The following PLCG1 variants were observed in gnomAD, a reference collection of about 807,000 sequenced individuals.
PLCG1 encodes the protein phospholipase C gamma 1, also known as 1-phosphatidylinositol 4,5-bisphosphate phosphodiesterase gamma-1.
A neutral mutation model predicts 177.8 loss-of-function variants in PLCG1; 71 were observed. The ratio of observed to expected loss-of-function variants is 0.40; its 90% CI spans 0.33 to 0.49. The LOEUF (loss-of-function observed/expected upper bound fraction) is 0.49, where lower values mean the gene tolerates loss of function less well. Among genes scored for constraint, PLCG1 ranks in the 20% least tolerant of loss-of-function variants. The pLI is 0.72. For synonymous variants in PLCG1, 658 were observed against 647.9 expected (o/e 1.02, Z -0.24); for missense variants, 1,281 against 1,709.0 (o/e 0.75, Z 4.42).
Position 41,165,601 on chromosome 20 carries a change from A to T in PLCG1, c.1612-38A>T, listed in dbSNP as rs2035656851. ...GGCTGGGCCAGGTCAGGCCTGGGCC[A>T]GGGTCACAGTATCTTTGCTGTTGCC... On this transcript the variant is annotated intron_variant, in intron 15 of 31. Transcript: ENST00000685551. This position sits in a 1 kb window ranked among gnomAD's most constrained non-coding sequence, Gnocchi z 6.6. 4 of 1,612,466 alleles carry T rather than the reference A, an allele frequency of 2.5e-6. No individual in the cohort carries two copies. The highest frequency in any genetic ancestry group is 3.4e-6 in the Non-Finnish European group (4 of 1,178,790).
In PLCG1 at chr20:41,165,155, G is replaced by A. The variant is rs573540472; in HGVS notation, c.1386+54G>A. ...CCACACTTCTCAGTGCCTTGCCCAG[G>A]CCATGGCTTCAGCTGTTGGGCCTAA... On this transcript the variant is annotated intron_variant, in intron 13 of 31. Coordinates refer to ENST00000685551, the MANE Select transcript of PLCG1 (RefSeq NM_002660.3). This position sits in a 1 kb window ranked among gnomAD's most constrained non-coding sequence, Gnocchi z 6.6. 3 of 1,603,590 alleles carry A rather than the reference G, an allele frequency of 1.9e-6. No individual in the cohort carries two copies. Among genetic ancestry groups the A allele is most frequent in the South Asian group, 2.2e-5 (2 of 89,470 alleles).
chr20:41,151,546 A>G lies in PLCG1; in HGVS notation c.218-8060A>G, dbSNP rs1600642939. On this transcript the variant is annotated intron_variant, in intron 1 of 31. Transcript: ENST00000685551. The surrounding 1 kb of genome is among the most constrained non-coding windows in gnomAD (Gnocchi z 5.5). ...GTAAAATGGAAAGGGATAGCTACCC[A>G]CCCCTCCACTTTGACCTTCCTTTGG... 6.6e-6 allele frequency among the ~76,000 whole-genome samples: 1 copy of G among 151,882 alleles called. No individual in the cohort carries two copies. The highest frequency in any genetic ancestry group is 2.4e-5 in the African/African-American group (1 of 41,338).
At position 41,173,913 on chromosome 20, in the gene PLCG1, C is replaced by T. The variant is rs768964121; in HGVS notation, c.3557-10C>T. ...TCGTGGGCTGAGGGCCAGGCTTTTC[C>T]TCCTCCTAGGATACAGAGCAGTGCC... On this transcript the variant is annotated splice_polypyrimidine_tract_variant and intron_variant, in intron 29 of 31. Coordinates refer to ENST00000685551, the MANE Select transcript of PLCG1 (RefSeq NM_002660.3). The surrounding 1 kb of genome is among the most constrained non-coding windows in gnomAD (Gnocchi z 6.2). 1.2e-6 allele frequency: 2 copies of T among 1,613,514 alleles called. No homozygotes were observed. The highest frequency in any genetic ancestry group is 1.7e-5 in the Admixed American group (1 of 60,014).
At chr20:41,162,895 A>T (rs1260865384) in intron 6 of PLCG1, 63 bp from the exon 7 acceptor site, 1 of 1,511,148 alleles carries the variant, frequency 6.6e-7, no homozygotes, top group East Asian at 2.3e-5. Flanking sequence ...CTGCCTTCTT[A>T]CTAGCCCATT....
chr20:41,143,182 T>A (rs1457607355), intron 1 of PLCG1, among the ~76,000 whole-genome samples: 1 of 152,202 alleles, frequency 6.6e-6, no homozygotes, highest in African/African-American at 2.4e-5. Flanking sequence ...AGAGATCTTG[T>A]CTTTGAGGAA....
intron 1 of PLCG1, among the ~76,000 whole-genome samples, chr20:41,141,486 G>A (rs1329187611): frequency 6.6e-6 from 1 of 152,230 alleles, no homozygotes; most frequent in Non-Finnish European, 1.5e-5. Flanking sequence ...CTGTGGCTGG[G>A]GAGCAGACCA....
intron 1 of PLCG1, among the ~76,000 whole-genome samples, chr20:41,139,929 T>C (rs2034765057): frequency 6.6e-6 from 1 of 152,170 alleles, no homozygotes; most frequent in African/African-American, 2.4e-5. Context: ...AGTGTTTCTG[T>C]AGAGAAAGTG....
At chr20:41,158,915 C>G (rs535515251) in intron 1 of PLCG1, among the ~76,000 whole-genome samples, 1 of 152,348 alleles carries the variant, frequency 6.6e-6, no homozygotes, top group South Asian at 2.1e-4. Context: ...AGGTCATCTG[C>G]TATTCAAGCC....
intron 4 of PLCG1, among the ~76,000 whole-genome samples, chr20:41,162,020 C>T (rs2035515034): frequency 6.6e-6 from 1 of 152,044 alleles, no homozygotes; most frequent in African/African-American, 2.4e-5. Flanking sequence ...AGGTAGGGAC[C>T]TGCTGCCATG....
Position 41,163,610 on chromosome 20 carries a change from C to A in PLCG1, c.892-105C>A. On this transcript the variant is annotated intron_variant, in intron 9 of 31. Transcript: ENST00000685551. The surrounding 1 kb of genome is among the most constrained non-coding windows in gnomAD (Gnocchi z 5.2). ...TTCTACCTACTGTGCACCTTGCCCACCCCCAGTTGGGACAGAGCACTCTCT... is the reference window on the plus strand; with the variant it reads ...TTCTACCTACTGTGCACCTTGCCCAACCCCAGTTGGGACAGAGCACTCTCT... 2 of 1,068,998 alleles carry A rather than the reference C, an allele frequency of 1.9e-6. No homozygotes were observed. The highest frequency in any genetic ancestry group is 2.9e-6 in the Non-Finnish European group (2 of 691,726). The allele number at this position is 1,068,998 out of a possible 1,614,324, so 66.2% of individuals were successfully genotyped here.
chr20:41,161,762 C>A (rs1036945535), intron 4 of PLCG1, among the ~76,000 whole-genome samples: 1 of 151,792 alleles, frequency 6.6e-6, no homozygotes, highest in African/African-American at 2.4e-5. Flanking sequence ...AAGCCCCCCC[C>A]TTCCCCCTTC....
At position 41,167,168 on chromosome 20, in the gene PLCG1, G is replaced by T. The variant is rs1167691739; in HGVS notation, c.2301+309G>T. The stretch of plus-strand genomic sequence containing the variant: ...CACACAGTGGAAACTCATCCACCTG[G>T]GCTTGGCCTGGACTCTGTCCTAGGG... On this transcript the variant is annotated intron_variant, in intron 19 of 31. Coordinates refer to ENST00000685551, the MANE Select transcript of PLCG1 (RefSeq NM_002660.3). The surrounding 1 kb of genome is among the most constrained non-coding windows in gnomAD (Gnocchi z 4.4). 6.6e-6 allele frequency among the ~76,000 whole-genome samples: 1 copy of T among 152,170 alleles called. No homozygotes were observed. Among genetic ancestry groups the T allele is most frequent in the Non-Finnish European group, 1.5e-5 (1 of 68,022 alleles).
chr20:41,152,512 C>G (rs899009994), intron 1 of PLCG1, among the ~76,000 whole-genome samples: 4 of 152,234 alleles, frequency 2.6e-5, no homozygotes, highest in African/African-American at 9.6e-5. Context: ...CCCTCAGCCT[C>G]TGTGGCCCAC....
Position 41,162,388 on chromosome 20 carries a change from G to A in PLCG1, c.513-64G>A, listed in dbSNP as rs140647002. ...TACCTGTCCAGCCCCAGGTGGGCTC[G>A]ACCCACAGGTCAGAGGTCATGAGAA... On this transcript the variant is annotated intron_variant, in intron 4 of 31. Coordinates refer to ENST00000685551, the MANE Select transcript of PLCG1 (RefSeq NM_002660.3). 7.9e-4 allele frequency: 1,045 copies of A among 1,323,974 alleles called. 6 individuals carry two copies. In the African/African-American group the frequency reaches 0.013, roughly 16 times the overall value. 82.0% of individuals were successfully genotyped at this position (1,323,974 alleles called of 1,614,324 possible). A position where few individuals can be genotyped will look rare whatever the true frequency, so the allele number is the denominator to read the frequency against.
In PLCG1 at chr20:41,170,113, C is replaced by T. The variant is rs760906530; in HGVS notation, c.2652C>T (p.Ala884=). ...GVLDVPACQI[A]IRPEGKNNRL... ...TGTTATCTGCTCTCGCCCTCCCAGC[C>T]ATCCGTCCTGAGGGCAAGAACAACC... is the stretch of plus-strand genomic sequence containing the variant. The change falls in exon 24 of 32, where the codon GCC becomes GCT. Residue 884 remains alanine, a splice_region_variant and synonymous_variant. Transcript: ENST00000685551. 6.2e-7 allele frequency: 1 copy of T among 1,608,908 alleles called. No homozygotes were observed. Among genetic ancestry groups the T allele is most frequent in the Non-Finnish European group, 8.5e-7 (1 of 1,176,534 alleles).
In PLCG1 at chr20:41,177,419, C is replaced by A. The variant is rs1811871725; in HGVS notation, c.*2910C>A. 1 of 152,236 alleles carries A rather than the reference C, an allele frequency of 6.6e-6. No individual in the cohort carries two copies. The highest frequency in any genetic ancestry group is 1.5e-5 in the Non-Finnish European group (1 of 68,056). 9.4% of individuals were successfully genotyped at this position (152,236 alleles called of 1,614,324 possible). On this transcript the variant is annotated 3_prime_UTR_variant, in exon 32 of 32. Coordinates refer to ENST00000685551, the MANE Select transcript of PLCG1 (RefSeq NM_002660.3). ...GAAAAGGCAGGGGTCTGCCTCCTGACCAAGCACATCTTGAACATCACCTGA... is the reference window on the plus strand; with the variant it reads ...GAAAAGGCAGGGGTCTGCCTCCTGAACAAGCACATCTTGAACATCACCTGA...
Position 41,165,671 on chromosome 20 carries a change from G to A in PLCG1, c.1644G>A (p.Glu548=), listed in dbSNP as rs144239352. Residue 548 remains glutamate, a synonymous_variant, in exon 16 of 32, where the codon GAG becomes GAA. Coordinates refer to ENST00000685551, the MANE Select transcript of PLCG1 (RefSeq NM_002660.3). This position sits in a 1 kb window ranked among gnomAD's most constrained non-coding sequence, Gnocchi z 6.6. ...GCAGCACAGAGCTGCACTCCAATGA[G>A]AAGTGGTTCCATGGGAAGCTAGGGG... is the stretch of plus-strand genomic sequence containing the variant. ...VSSSTELHSN[E]KWFHGKLGAG... is the part of the protein sequence containing the mutation. The A allele has an allele frequency of 1.9e-5, 30 of 1,614,026 alleles. 1 individual carries two copies. In the Admixed American group the frequency reaches 3.5e-4, roughly 19 times the overall value.
rs952627317 is a variant in PLCG1, at chr20:41,151,488, A to G, written c.218-8118A>G. On this transcript the variant is annotated intron_variant, in intron 1 of 31. Transcript: ENST00000685551. This position sits in a 1 kb window ranked among gnomAD's most constrained non-coding sequence, Gnocchi z 5.5. ...CTTCCCTTTGCCATATAACCCTGTG[A>G]CCTCAGAAGTCCCTGAACCCAGATC... 6.6e-6 allele frequency among the ~76,000 whole-genome samples: 1 copy of G among 152,176 alleles called. No homozygotes were observed. Among genetic ancestry groups the G allele is most frequent in the Non-Finnish European group, 1.5e-5 (1 of 68,026 alleles).
intron 1 of PLCG1, among the ~76,000 whole-genome samples, chr20:41,158,079 T>G (rs536918231): frequency 5.1e-4 from 78 of 152,166 alleles, no homozygotes; most frequent in African/African-American, 1.9e-3. Context: ...GACAGGTGGT[T>G]CCAGGTAGAA....
Sources: allele counts gnomAD v4.1 joint callset (sites outside exome capture counted in the v4.1 genomes callset), GRCh38; gene constraint gnomAD v4.1.1; non-coding constraint Gnocchi (gnomAD v3.1); transcripts MANE v1.5; gene names NCBI Gene and HGNC (gene_info 2026-07-23, HGNC 2026-07-21).